Variants in FGFR1 observed in about 807,000 individuals in gnomAD.
FGFR1 encodes FGFR1/PLAG1 fusion.
A neutral mutation model predicts 93.7 loss-of-function variants in FGFR1; 18 were observed. The observed-to-expected ratio is 0.19, with a 90% CI of 0.13 to 0.28. The LOEUF (loss-of-function observed/expected upper bound fraction) is 0.28. FGFR1 is among the 10% of genes least tolerant of loss of function. The pLI is 1.00. For synonymous variants in FGFR1, 448 were observed against 429.3 expected (o/e 1.04, Z -0.54); for missense variants, 731 against 1,080.4 (o/e 0.68, Z 4.53).
chr8:38,430,103 G>A, intron 2 of FGFR1, 155 bp from the exon 3 acceptor site: 1 of 731,728 alleles, frequency 1.4e-6, no homozygotes, highest in Non-Finnish European at 2.2e-6. Flanking sequence ...CAGGGCAGTG[G>A]GAATTGGAGC....
intron 8 of FGFR1, 131 bp from the exon 9 acceptor site, chr8:38,419,866 T>G (rs1818092575): frequency 1.4e-6 from 1 of 718,872 alleles, no homozygotes; most frequent in Non-Finnish European, 2.4e-6. Context: ...TGGCAAGTTC[T>G]AGCTAGGACT....
chr8:38,422,264 G>A, intron 7 of FGFR1: 1 of 469,130 alleles, frequency 2.1e-6, no homozygotes, highest in South Asian at 2.1e-5. Context: ...GGCAGGGGCT[G>A]TTTGGTTTCA....
rs1563489998 is a variant in FGFR1, at chr8:38,424,851, G to C, written c.746-152C>G. 1 of 743,028 alleles carries C rather than the reference G, an allele frequency of 1.3e-6. No individual in the cohort carries two copies. The highest frequency in any genetic ancestry group is 1.8e-5 in the African/African-American group (1 of 56,646). The allele number at this position is 743,028 out of a possible 1,614,324, so 46.0% of individuals were successfully genotyped here. A position where few individuals can be genotyped will look rare whatever the true frequency, so the allele number is the denominator to read the frequency against. On this transcript the variant is annotated intron_variant, in intron 6 of 17. Coordinates refer to ENST00000447712, the MANE Select transcript of FGFR1 (RefSeq NM_023110.3). This position sits in a 1 kb window ranked among gnomAD's most constrained non-coding sequence, Gnocchi z 4.3. Reference sequence around the variant, plus strand: ...GCCCAAGCCTCTCAAAACAGAGCTGGGGAAAGGGACACCCTCTCTTCAGGC... The same window carrying C: ...GCCCAAGCCTCTCAAAACAGAGCTGCGGAAAGGGACACCCTCTCTTCAGGC...
At chr8:38,434,430 C>A in intron 2 of FGFR1, 1 of 378,542 alleles carries the variant, frequency 2.6e-6, no homozygotes, top group Non-Finnish European at 5.1e-6. Context: ...TGGCTCAACA[C>A]TGATGGAAGT....
chr8:38,441,102 G>C (rs1827296678), intron 2 of FGFR1, among the ~76,000 whole-genome samples: 1 of 150,250 alleles, frequency 6.7e-6, no homozygotes, highest in African/African-American at 2.5e-5. Context: ...TGGGCAGCAA[G>C]ACACGTGTAG....
At chr8:38,421,564 A>G in intron 8 of FGFR1, 1 of 593,996 alleles carries the variant, frequency 1.7e-6, no homozygotes, top group Non-Finnish European at 3.0e-6. Flanking sequence ...CCAGGGGGAG[A>G]GCAGAGGCAG....
chr8:38,439,275 G>A (rs1157206386), intron 2 of FGFR1, among the ~76,000 whole-genome samples: 1 of 152,064 alleles, frequency 6.6e-6, no homozygotes, highest in Non-Finnish European at 1.5e-5. Context: ...CAGCACATGG[G>A]GTGATGAGGG....
chr8:38,426,958 C>A lies in FGFR1; in HGVS notation c.622-713G>T, dbSNP rs1340189949. Among the ~76,000 whole-genome samples the A allele has an allele frequency of 6.6e-6, 1 of 152,046 alleles. No homozygotes were observed. Among genetic ancestry groups the A allele is most frequent in the Admixed American group, 6.6e-5 (1 of 15,256 alleles). The stretch of plus-strand genomic sequence containing the variant: ...GGAAACCCCGTCTCTACTAAAAATA[C>A]AAAAATTAGCTGGGAATGGTGGCTG... On this transcript the variant is annotated intron_variant, in intron 5 of 17. Transcript: ENST00000447712. The surrounding 1 kb of genome is among the most constrained non-coding windows in gnomAD (Gnocchi z 4.1).
At chr8:38,423,662 T>TAAAAA (rs1209840278) in intron 7 of FGFR1, 1 of 115,078 alleles carries the variant, frequency 8.7e-6, no homozygotes, top group Non-Finnish European at 1.8e-5. Flanking sequence ...AGCATTTGAT[T>TAAAAA]AAAAAAAAAA....
At chr8:38,440,189 G>A (rs1021849416) in intron 2 of FGFR1, 3 of 846,048 alleles carry the variant, frequency 3.5e-6, no homozygotes, top group African/African-American at 3.4e-5. Context: ...GAGGAACTCG[G>A]GGTGGCTTTG....
At chr8:38,416,252 A>G (rs1227491426) in intron 12 of FGFR1, among the ~76,000 whole-genome samples, 192 bp from the exon 13 acceptor site, 1 of 152,148 alleles carries the variant, frequency 6.6e-6, no homozygotes, top group African/African-American at 2.4e-5. Context: ...CATAGTCCAG[A>G]AAATTCCCGA....
At chr8:38,419,869 C>G (rs2150720675) in intron 8 of FGFR1, 134 bp from the exon 9 acceptor site, 1 of 718,104 alleles carries the variant, frequency 1.4e-6, no homozygotes, top group East Asian at 2.7e-5. Context: ...CAAGTTCTAG[C>G]TAGGACTGGG....
intron 2 of FGFR1, among the ~76,000 whole-genome samples, chr8:38,449,406 AG>A (rs1384226430): frequency 6.6e-6 from 1 of 152,240 alleles, no homozygotes; most frequent in East Asian, 1.9e-4. Context: ...AAAAAAAATC[AG>A]TCAATGAATG....
chr8:38,418,223 ATT>A lies in FGFR1; in HGVS notation c.1430+3_1430+4del. 1 of 1,614,214 alleles carries A rather than the reference ATT, an allele frequency of 6.2e-7. No homozygotes were observed. The highest frequency in any genetic ancestry group is 8.5e-7 in the Non-Finnish European group (1 of 1,180,030). On this transcript the variant is annotated splice_donor_region_variant and intron_variant, in intron 10 of 17. Coordinates refer to ENST00000447712, the MANE Select transcript of FGFR1 (RefSeq NM_023110.3). The stretch of plus-strand genomic sequence containing the variant: ...TCAAAAAGTTGGGAGTCAAAGTATT[ATT>A]ACCTGTCCCGAGGCAGCTCCCAGCG...
At position 38,426,299 on chromosome 8, in the gene FGFR1, C is replaced by T. The variant is rs1230383518; in HGVS notation, c.622-54G>A. 4.3e-6 allele frequency: 7 copies of T among 1,611,366 alleles called. No homozygotes were observed. The highest frequency in any genetic ancestry group is 5.9e-6 in the Non-Finnish European group (7 of 1,179,528). The stretch of plus-strand genomic sequence containing the variant: ...GAGGGTCCAGAGGAAAATGCAGGCC[C>T]CATGACAATGTCGGCACCCCGTGGC... On this transcript the variant is annotated intron_variant, in intron 5 of 17. Transcript: ENST00000447712. This position sits in a 1 kb window ranked among gnomAD's most constrained non-coding sequence, Gnocchi z 4.1.
At chr8:38,427,676 T>C (rs974951937) in intron 5 of FGFR1, among the ~76,000 whole-genome samples, 9 of 152,242 alleles carry the variant, frequency 5.9e-5, no homozygotes, top group African/African-American at 2.2e-4. Context: ...AGACTCATGT[T>C]AACAAATGAC....
chr8:38,432,700 T>C (rs1453406495), intron 2 of FGFR1, among the ~76,000 whole-genome samples: 1 of 152,156 alleles, frequency 6.6e-6, no homozygotes, highest in African/African-American at 2.4e-5. Flanking sequence ...CCAGCCGGGA[T>C]AATCTTTTAA....
chr8:38,465,262 G>T (rs1835255834), intron 1 of FGFR1, among the ~76,000 whole-genome samples: 1 of 152,246 alleles, frequency 6.6e-6, no homozygotes, highest in African/African-American at 2.4e-5. Flanking sequence ...CCCTAAGATT[G>T]TTCAAGTGGT....
chr8:38,439,826 G>A (rs1476887438), intron 2 of FGFR1, among the ~76,000 whole-genome samples: 1 of 152,116 alleles, frequency 6.6e-6, no homozygotes. Context: ...CAACATGAAT[G>A]TGCCTTTCCC....
Sources: allele counts gnomAD v4.1 joint callset (sites outside exome capture counted in the v4.1 genomes callset), GRCh38; gene constraint gnomAD v4.1.1; non-coding constraint Gnocchi (gnomAD v3.1); transcripts MANE v1.5; gene names NCBI Gene and HGNC (gene_info 2026-07-23, HGNC 2026-07-21).